The following HACD1 variants were observed in gnomAD, a reference collection of about 807,000 sequenced individuals.
HACD1 encodes very-long-chain (3R)-3-hydroxyacyl-CoA dehydratase 1.
A neutral mutation model predicts 32.0 loss-of-function variants in HACD1; 41 were observed. The ratio of observed to expected loss-of-function variants is 1.28; its 90% confidence interval spans 1.00 to 1.66. The LOEUF (loss-of-function observed/expected upper bound fraction) is 1.66. Ranked by LOEUF, HACD1 falls within the 40% of genes most tolerant of loss-of-function variation. The probability of loss-of-function intolerance (pLI) is 0.00; values close to 1 mark genes in which losing one functional copy is unlikely to be tolerated. For missense variants in HACD1, 396 were observed against 380.1 expected (o/e 1.04, Z -0.35); for synonymous variants, 142 against 139.0 (o/e 1.02, Z -0.15).
intron 1 of HACD1, among the ~76,000 whole-genome samples, chr10:17,612,638 G>A (rs782012414): frequency 5.9e-5 from 9 of 152,068 alleles, no homozygotes; most frequent in Non-Finnish European, 1.3e-4. Flanking sequence ...TTGGAAGAGG[G>A]GGCCGGGCGC....
At chr10:17,607,558 T>G (rs1253022173) in intron 1 of HACD1, among the ~76,000 whole-genome samples, 5 of 152,250 alleles carry the variant, frequency 3.3e-5, no homozygotes, top group Non-Finnish European at 7.3e-5. Context: ...AAAGATAAGT[T>G]TGAGAGGCAG....
chr10:17,616,138 G>A (rs1434025791), intron 1 of HACD1, among the ~76,000 whole-genome samples: 1 of 151,646 alleles, frequency 6.6e-6, no homozygotes, highest in African/African-American at 2.4e-5. Flanking sequence ...GCGTGGTGGC[G>A]GGCGCCTGTA....
At position 17,617,371 on chromosome 10, in the gene HACD1, C is replaced by A. The variant is rs931038746; in HGVS notation, c.-32G>T. On this transcript the variant is annotated 5_prime_UTR_variant, in exon 1 of 7. Coordinates refer to ENST00000361271, the MANE Select transcript of HACD1 (RefSeq NM_014241.4). The stretch of plus-strand genomic sequence containing the variant: ...CGCGCAGGGGGCTCGGCGCAGCCAG[C>A]TCTACCGACCGCGAGGGGGAGGAGC... 2 of 1,312,770 alleles carry A rather than the reference C, an allele frequency of 1.5e-6. No homozygotes were observed. The highest frequency in any genetic ancestry group is 9.7e-7 in the Non-Finnish European group (1 of 1,034,476). 81.3% of individuals were successfully genotyped at this position (1,312,770 alleles called of 1,614,324 possible). A position where few individuals can be genotyped will look rare whatever the true frequency, so the allele number is the denominator to read the frequency against.
chr10:17,616,940 T>G (rs1833095635), intron 1 of HACD1, 143 bp downstream of exon 1: 6 of 861,476 alleles, frequency 7.0e-6, no homozygotes, highest in Non-Finnish European at 6.0e-6. Context: ...ACCCCGGCGG[T>G]GGCCGCGGCG....
chr10:17,590,869 T>G (rs539937863), intron 6 of HACD1, among the ~76,000 whole-genome samples: 2 of 152,184 alleles, frequency 1.3e-5, no homozygotes, highest in Admixed American at 1.3e-4. Flanking sequence ...GAGATGGGAT[T>G]TCACCAGGTT....
chr10:17,599,259 A>G (rs782370934), intron 5 of HACD1, 31 bp downstream of exon 5: 2 of 1,612,354 alleles, frequency 1.2e-6, no homozygotes, highest in Admixed American at 3.3e-5. Flanking sequence ...TGCACAGGAC[A>G]AGGAGAAACT....
At chr10:17,612,878 C>T (rs1554817649) in intron 1 of HACD1, among the ~76,000 whole-genome samples, 1 of 148,996 alleles carries the variant, frequency 6.7e-6, no homozygotes, top group Non-Finnish European at 1.5e-5. Flanking sequence ...GCCGAGATCT[C>T]CCCACTGCAC....
chr10:17,609,890 A>G (rs868968488), intron 1 of HACD1, among the ~76,000 whole-genome samples: 2 of 151,144 alleles, frequency 1.3e-5, no homozygotes, highest in African/African-American at 2.4e-5. Flanking sequence ...AAGCTGAGGC[A>G]GGAGAATCGT....
At chr10:17,600,083 A>G (rs1298798793) in intron 4 of HACD1, among the ~76,000 whole-genome samples, 1 of 152,148 alleles carries the variant, frequency 6.6e-6, no homozygotes, top group Non-Finnish European at 1.5e-5. Context: ...TTCATCTACA[A>G]TTATTCAACC....
intron 4 of HACD1, among the ~76,000 whole-genome samples, chr10:17,601,283 C>T (rs1022579911): frequency 1.3e-5 from 2 of 152,184 alleles, no homozygotes; most frequent in South Asian, 2.1e-4. Context: ...ATCCACCTGC[C>T]TCAGCCTCCC....
chr10:17,598,149 A>C (rs1185673518), intron 5 of HACD1, among the ~76,000 whole-genome samples: 1 of 150,914 alleles, frequency 6.6e-6, no homozygotes, highest in Admixed American at 6.7e-5. Context: ...ACTCCCAGCT[A>C]CTTGGGAGGC....
Position 17,609,155 on chromosome 10 carries a change from G to GTTTTTTTTTTTTTTTTT in HACD1, c.258-5125_258-5109dup, listed in dbSNP as rs56347429. On this transcript the variant is annotated intron_variant, in intron 1 of 6. Transcript: ENST00000361271. Reference sequence around the variant, plus strand: ...ATTAAAGAAAAAAAATGTGCAAAAGGTTTTTTTTTTTTTTTTTGAGACAGA... The same window carrying GTTTTTTTTTTTTTTTTT: ...ATTAAAGAAAAAAAATGTGCAAAAGGTTTTTTTTTTTTTTTTTTTTTTTTTTTTTTTTTTGAGACAGA... 3.0e-4 allele frequency among the ~76,000 whole-genome samples: 40 copies of GTTTTTTTTTTTTTTTTT among 132,116 alleles called. 1 individual carries two copies. Among genetic ancestry groups the GTTTTTTTTTTTTTTTTT allele is most frequent in the African/African-American group, 1.1e-3 (40 of 34,900 alleles). 86.7% of individuals were successfully genotyped at this position (132,116 alleles called of 152,430 possible). A position where few individuals can be genotyped will look rare whatever the true frequency, so the allele number is the denominator to read the frequency against.
chr10:17,590,408 T>C lies in HACD1; in HGVS notation c.823A>G (p.Arg275Gly). The C allele has an allele frequency of 1.2e-6, 2 of 1,603,902 alleles. No individual in the cohort carries two copies. Among genetic ancestry groups the C allele is most frequent in the Non-Finnish European group, 1.7e-6 (2 of 1,172,938 alleles). Residue 275 changes from arginine (R) to glycine (G), a missense_variant, in exon 7 of 7, where the codon AGA becomes GGA. Transcript: ENST00000361271. The stretch of plus-strand genomic sequence containing the variant: ...ATCACCTCTCCATGAAGCACCTTTC[T>C]TCTTTGACGTAACATATGAAAATAG... ...QLYFHMLRQR[R>G]KVLHGEVIVE...
intron 5 of HACD1, among the ~76,000 whole-genome samples, chr10:17,598,721 A>T (rs1165054995): frequency 6.6e-6 from 1 of 152,246 alleles, no homozygotes; most frequent in Non-Finnish European, 1.5e-5. Context: ...AAAGAATTCA[A>T]ACTTCAAGAA....
At chr10:17,604,123 G>A (rs549906127) in intron 1 of HACD1, 76 bp from the exon 2 acceptor site, 14 of 1,088,760 alleles carry the variant, frequency 1.3e-5, no homozygotes, top group Admixed American at 1.2e-4. Context: ...TTACAGCAGC[G>A]TTATTCAAAA....
intron 1 of HACD1, among the ~76,000 whole-genome samples, chr10:17,609,495 T>C (rs1239024513): frequency 2.6e-5 from 4 of 151,958 alleles, no homozygotes; most frequent in Admixed American, 6.6e-5. Context: ...AGAAGATATA[T>C]GATTGGCAAG....
chr10:17,608,862 C>A (rs897519679), intron 1 of HACD1, among the ~76,000 whole-genome samples: 1 of 152,076 alleles, frequency 6.6e-6, no homozygotes, highest in African/African-American at 2.4e-5. Context: ...GTTTAGCAGC[C>A]AATATGTGAG....
intron 5 of HACD1, among the ~76,000 whole-genome samples, chr10:17,598,386 T>G (rs1248286147): frequency 6.6e-6 from 1 of 152,148 alleles, no homozygotes; most frequent in African/African-American, 2.4e-5. Context: ...TATTCTCATT[T>G]ATTATATTTG....
Position 17,604,022 on chromosome 10 carries a change from C to T in HACD1, c.283G>A (p.Val95Ile), listed in dbSNP as rs533400592. ...GTTCCTTTTTCCATATAAAAACGTACCATGGCAATAGCTAGAACCAACCAC... is the reference window on the plus strand; with the variant it reads ...GTTCCTTTTTCCATATAAAAACGTATCATGGCAATAGCTAGAACCAACCAC... ...AGWLVLAIAMVRFYMEKGTHR... is the reference protein window; with the variant it reads ...AGWLVLAIAMIRFYMEKGTHR... The change falls in exon 2 of 7, where the codon GTA becomes ATA. Residue 95 changes from valine (V) to isoleucine (I), a missense_variant. Val to Ile is a conservative substitution (Grantham distance 29). Coordinates refer to ENST00000361271, the MANE Select transcript of HACD1 (RefSeq NM_014241.4). 5.3e-5 allele frequency: 84 copies of T among 1,593,534 alleles called. No individual in the cohort carries two copies. The South Asian group carries it at 9.6e-4, about 18-fold the overall frequency.
Sources: allele counts gnomAD v4.1 joint callset (sites outside exome capture counted in the v4.1 genomes callset), GRCh38; gene constraint gnomAD v4.1.1; transcripts MANE v1.5; gene names NCBI Gene and HGNC (gene_info 2026-07-23, HGNC 2026-07-21).